Variants in DPRX observed in about 807,000 individuals in gnomAD.
DPRX encodes the protein divergent paired-related homeobox.
In DPRX, 11 loss-of-function variants were observed where a neutral mutation model predicts 8.4. The observed-to-expected ratio is 1.31, with a 90% confidence interval of 0.82 to 2.17. The LOEUF is 2.17. Ranked by LOEUF, DPRX falls within the 30% of genes most tolerant of loss-of-function variation. The probability of loss-of-function intolerance (pLI) is 0.00; values close to 1 mark genes in which losing one functional copy is unlikely to be tolerated. For synonymous variants in DPRX, 72 were observed against 87.0 expected, an observed-to-expected ratio of 0.83 and a Z score of 0.96; for missense variants, 211 against 236.7, an observed-to-expected ratio of 0.89 and a Z score of 0.71.
At chr19:53,607,639 G>C in the DPRX span, among the ~76,000 whole-genome samples, 37 of 150,602 alleles carry the variant, frequency 2.5e-4, no homozygotes, top group Admixed American at 5.3e-4. Flanking sequence ...ATCACCTGAG[G>C]TCAGGAGTTT....
At chr19:53,624,829 C>A in the DPRX span, among the ~76,000 whole-genome samples, 204 of 87,504 alleles carry the variant, frequency 2.3e-3, no homozygotes, top group Admixed American at 3.8e-3. Context: ...GCGACAGTCA[C>A]AAAAAAAAAA....
chr19:53,617,805 A>G, the DPRX span, among the ~76,000 whole-genome samples: 1 of 152,126 alleles, frequency 6.6e-6, no homozygotes, highest in Non-Finnish European at 1.5e-5. Context: ...TGCTATACCA[A>G]TGATGATGAG....
In DPRX at chr19:53,632,149, A is replaced by G. The variant is rs1339045274; in HGVS notation, c.28+15A>G. 6.2e-7 allele frequency: 1 copy of G among 1,614,022 alleles called. No individual in the cohort carries two copies. Among genetic ancestry groups the G allele is most frequent in the East Asian group, 2.2e-5 (1 of 44,874 alleles). ...TCTTCGTAAAGGTAAGCCAGAAAAA[A>G]TGAGAACCGAAGCAAAGACACGTGA... On this transcript the variant is annotated intron_variant, in intron 1 of 2. Coordinates refer to ENST00000376650, the Ensembl canonical transcript of DPRX.
At chr19:53,624,079 CTTTTTTTTTTTT>C in the DPRX span, among the ~76,000 whole-genome samples, 398 of 93,284 alleles carry the variant, frequency 4.3e-3, 3 homozygotes, top group African/African-American at 0.016. Flanking sequence ...ATTGTTGTAC[CTTTTTTTTTTTT>C]TTTTTTTTTT....
the DPRX span, among the ~76,000 whole-genome samples, chr19:53,619,257 G>A: frequency 6.6e-6 from 1 of 152,100 alleles, no homozygotes; most frequent in Admixed American, 6.6e-5. Context: ...AGGACATGTT[G>A]AGGCCAGGCG....
At chr19:53,608,929 T>G in the DPRX span, among the ~76,000 whole-genome samples, 1 of 115,826 alleles carries the variant, frequency 8.6e-6, no homozygotes, top group Non-Finnish European at 1.6e-5. Flanking sequence ...CACTCCAGCC[T>G]GGGCGGACAG....
chr19:53,613,368 A>T, the DPRX span, among the ~76,000 whole-genome samples: 4 of 151,990 alleles, frequency 2.6e-5, no homozygotes, highest in Non-Finnish European at 4.4e-5. Flanking sequence ...TGTTGTTGAG[A>T]TGGAATCTCG....
chr19:53,601,956 A>G, the DPRX span: 1 of 450,332 alleles, frequency 2.2e-6, no homozygotes, highest in Non-Finnish European at 4.5e-6. Flanking sequence ...TGCAGAGTCC[A>G]CTGACTCAGG....
chr19:53,605,878 AG>A, the DPRX span, among the ~76,000 whole-genome samples: 1 of 151,196 alleles, frequency 6.6e-6, no homozygotes, highest in African/African-American at 2.4e-5. Context: ...TGTGTTGCCC[AG>A]GGTGGTCTTG....
the DPRX span, chr19:53,602,270 GTGTGTGTGTGTGTGT>G: frequency 3.0e-5 from 3 of 99,224 alleles, no homozygotes; most frequent in South Asian, 9.0e-5. Context: ...GGGTATGGGT[GTGTGTGTGTGTGTGT>G]GTGTGTGTGT....
the DPRX span, chr19:53,604,604 A>C: frequency 1.3e-5 from 2 of 152,444 alleles, no homozygotes; most frequent in African/African-American, 4.8e-5. Context: ...GCACTTTGGA[A>C]GGCTAAGGTG....
At chr19:53,633,012 A>G (rs2091098862) in intron 1 of DPRX, among the ~76,000 whole-genome samples, 1 of 151,900 alleles carries the variant, frequency 6.6e-6, no homozygotes, top group African/African-American at 2.4e-5. Flanking sequence ...GATCTTTTAG[A>G]GCGAGGCATG....
the DPRX span, among the ~76,000 whole-genome samples, chr19:53,617,561 C>CAA: frequency 0.47 from 48,549 of 103,072 alleles, 10,024 homozygotes; most frequent in Non-Finnish European, 0.53. Context: ...TCCGTCTCAC[C>CAA]AAAAAAAAAA....
the DPRX span, among the ~76,000 whole-genome samples, chr19:53,619,267 G>A: frequency 2.0e-5 from 3 of 152,124 alleles, no homozygotes; most frequent in African/African-American, 4.8e-5. Context: ...GAGGCCAGGC[G>A]TGGTGGCTCA....
the DPRX span, among the ~76,000 whole-genome samples, chr19:53,611,805 T>A: frequency 1.3e-5 from 2 of 152,090 alleles, no homozygotes; most frequent in Admixed American, 1.3e-4. Flanking sequence ...GTGAACTGGC[T>A]GGGCGCAGTG....
the DPRX span, among the ~76,000 whole-genome samples, chr19:53,604,089 A>C: frequency 7.2e-5 from 11 of 151,942 alleles, no homozygotes; most frequent in Admixed American, 2.6e-4. Context: ...AAGTAGCGGC[A>C]TTCCACGCTG....
the DPRX span, chr19:53,603,295 C>G: frequency 0.032 from 14,521 of 454,118 alleles, 757 homozygotes; most frequent in East Asian, 0.2. Flanking sequence ...CCCTACTCGG[C>G]CCCCTGCCGC....
chr19:53,609,351 G>T, the DPRX span, among the ~76,000 whole-genome samples: 36 of 150,884 alleles, frequency 2.4e-4, no homozygotes, highest in Non-Finnish European at 4.6e-4. Context: ...GCCTATAATC[G>T]GAGCTACCCA....
At chr19:53,631,652 C>T (rs142951299), upstream of DPRX, among the ~76,000 whole-genome samples, 920 of 151,852 alleles carry the variant, frequency 6.1e-3, 5 homozygotes, top group African/African-American at 0.021. Flanking sequence ...CTCAGCTACT[C>T]GGGAGGCTGA....
Sources: gnomAD v4.1 joint callset for allele counts (sites outside exome capture counted in the v4.1 genomes callset) on GRCh38, gnomAD v4.1.1 for gene constraint, MANE v1.5 for transcripts, NCBI Gene and HGNC (gene_info 2026-07-23, HGNC 2026-07-21) for gene names.